Variants in UNC5C observed in about 807,000 individuals in gnomAD.
The protein encoded by UNC5C is netrin receptor UNC5C.
A neutral mutation model predicts 99.8 loss-of-function variants in UNC5C; 47 were observed. The ratio of observed to expected loss-of-function variants is 0.47; its 90% CI spans 0.37 to 0.60. The LOEUF is 0.60. UNC5C is among the 20% of genes least tolerant of loss of function. The pLI is 0.00. For missense variants in UNC5C, 1,062 were observed against 1,165.9 expected (o/e 0.91, Z 1.30); for synonymous variants, 487 against 452.2 (o/e 1.08, Z -0.98).
chr4:95,480,235 A>C (rs1194953898), intron 1 of UNC5C, among the ~76,000 whole-genome samples: 1 of 148,854 alleles, frequency 6.7e-6, no homozygotes, highest in East Asian at 1.9e-4. Flanking sequence ...ATATACATTC[A>C]TAATGTATAT....
intron 2 of UNC5C, among the ~76,000 whole-genome samples, chr4:95,304,185 A>T (rs900195118): frequency 6.6e-6 from 1 of 152,202 alleles, no homozygotes; most frequent in African/African-American, 2.4e-5. Context: ...GCGTGACAGG[A>T]TCCTAAGGGG....
chr4:95,504,350 ATTTC>A (rs1007833660), intron 1 of UNC5C, among the ~76,000 whole-genome samples: 1 of 152,122 alleles, frequency 6.6e-6, no homozygotes, highest in African/African-American at 2.4e-5. Flanking sequence ...CACTTTTAGC[ATTTC>A]TTTAACTTTC....
intron 7 of UNC5C, 62 bp from the exon 8 acceptor site, chr4:95,220,238 G>C (rs1738422389): frequency 1.4e-6 from 2 of 1,385,370 alleles, no homozygotes; most frequent in South Asian, 3.2e-5. Flanking sequence ...GTACACATAT[G>C]TATTGCTATA....
intron 7 of UNC5C, among the ~76,000 whole-genome samples, chr4:95,229,797 C>CTTTTTTTTTTT (rs71583694): frequency 6.3e-5 from 5 of 79,534 alleles, no homozygotes; most frequent in African/African-American, 1.3e-4. Flanking sequence ...CTGTTGTTTC[C>CTTTTTTTTTTT]TTTTTTTTTT....
At position 95,243,750 on chromosome 4, in the gene UNC5C, A is replaced by G. The variant is rs115979087; in HGVS notation, c.944-1157T>C. ...AAAAGCATTAATATTTCAGTCATAC[A>G]GAACTGGCTGTATAAGCAAGTCCCA... On this transcript the variant is annotated intron_variant, in intron 6 of 15. Coordinates refer to ENST00000453304, the MANE Select transcript of UNC5C (RefSeq NM_003728.4). Among the ~76,000 whole-genome samples, 1,332 of 152,314 alleles carry G rather than the reference A, an allele frequency of 8.7e-3. 18 individuals carry two copies. Among genetic ancestry groups the G allele is most frequent in the Middle Eastern group, 0.031 (9 of 294 alleles).
intron 7 of UNC5C, among the ~76,000 whole-genome samples, chr4:95,235,172 T>A (rs1319055756): frequency 6.6e-6 from 1 of 152,174 alleles, no homozygotes; most frequent in Non-Finnish European, 1.5e-5. Context: ...GTGACCAAAG[T>A]CAGTGACATT....
intron 1 of UNC5C, among the ~76,000 whole-genome samples, chr4:95,408,097 T>C (rs1295507407): frequency 6.6e-6 from 1 of 152,202 alleles, no homozygotes; most frequent in Non-Finnish European, 1.5e-5. Context: ...AATTCCATTA[T>C]GTTGTTAATG....
chr4:95,488,479 AG>A (rs1173157912), intron 1 of UNC5C, among the ~76,000 whole-genome samples: 2 of 151,828 alleles, frequency 1.3e-5, no homozygotes, highest in Admixed American at 6.6e-5. Context: ...GTACTTCCAT[AG>A]CTTCTGAGAA....
intron 1 of UNC5C, among the ~76,000 whole-genome samples, chr4:95,395,418 T>A (rs529841121): frequency 6.6e-6 from 1 of 152,292 alleles, no homozygotes; most frequent in South Asian, 2.1e-4. Flanking sequence ...TTTTAAAAAA[T>A]TAGAACAAAG....
rs577111656 is a variant in UNC5C at position 95,162,718 on chromosome 4, A to G, written c.*6516T>C. ...GGCGCCGGACAGATATCCGGAGGGC[A>G]CTCTGCCTCTGCCGGGGGGTTTTTT... On this transcript the variant is annotated 3_prime_UTR_variant, in exon 16 of 16. Transcript: ENST00000453304. The G allele has an allele frequency of 6.7e-4, 102 of 152,146 alleles. 1 individual carries two copies. Among genetic ancestry groups the G allele is most frequent in the African/African-American group, 2.3e-3 (94 of 41,504 alleles). 9.4% of individuals were successfully genotyped at this position (152,146 alleles called of 1,614,324 possible).
At chr4:95,413,984 A>G (rs1182252339) in intron 1 of UNC5C, among the ~76,000 whole-genome samples, 29 of 152,222 alleles carry the variant, frequency 1.9e-4, no homozygotes, top group Admixed American at 1.9e-3. Flanking sequence ...CCAAATGCAG[A>G]GCCAAATATG....
At chr4:95,305,005 T>C (rs1393935170) in intron 2 of UNC5C, among the ~76,000 whole-genome samples, 3 of 152,172 alleles carry the variant, frequency 2.0e-5, no homozygotes, top group Non-Finnish European at 1.5e-5. Context: ...AGACCAACCC[T>C]CCTGCTACAG....
intron 1 of UNC5C, among the ~76,000 whole-genome samples, chr4:95,454,118 C>A (rs972178254): frequency 1.3e-5 from 2 of 151,986 alleles, no homozygotes; most frequent in African/African-American, 4.8e-5. Flanking sequence ...CACAAAAAAA[C>A]CACTCAATTT....
Position 95,402,288 on chromosome 4 carries a change from T to A in UNC5C, c.125-66657A>T, listed in dbSNP as rs543512316. On this transcript the variant is annotated intron_variant, in intron 1 of 15. Coordinates refer to ENST00000453304, the MANE Select transcript of UNC5C (RefSeq NM_003728.4). ...ATTTATCATATTCATCAGATGTACA[T>A]TTTCAGATTTCTCTCTTCTGCCTAG... Among the ~76,000 whole-genome samples the A allele has an allele frequency of 5.9e-5, 9 of 152,352 alleles. No individual in the cohort carries two copies. In the South Asian group the frequency reaches 1.4e-3, roughly 25 times the overall value.
Position 95,242,434 on chromosome 4 carries a change from A to C in UNC5C, c.1103T>G (p.Met368Arg). 6.2e-7 allele frequency: 1 copy of C among 1,614,120 alleles called. No homozygotes were observed. Among genetic ancestry groups the C allele is most frequent in the East Asian group, 2.2e-5 (1 of 44,872 alleles). The change falls in exon 7 of 16, where the codon ATG (methionine) becomes AGG (arginine). Residue 368 changes from methionine to arginine, a missense_variant. Physicochemically the swap from Met to Arg is moderately conservative, Grantham distance 91. Coordinates refer to ENST00000453304, the MANE Select transcript of UNC5C (RefSeq NM_003728.4). ...GTTTGCTTAAATTGACTTACTCTGC[A>C]TGCAAAGCCCATCAGTGCAGTTCTT... ...QSKNCTDGLC[M>R]QTAPDSDDVA...
chr4:95,321,147 A>T (rs1034740676), intron 2 of UNC5C, among the ~76,000 whole-genome samples: 6 of 152,214 alleles, frequency 3.9e-5, no homozygotes, highest in African/African-American at 1.4e-4. Flanking sequence ...AATCTTCCCC[A>T]TGGGATATAA....
intron 1 of UNC5C, among the ~76,000 whole-genome samples, chr4:95,367,705 ATTAAC>A (rs890955857): frequency 2.0e-5 from 3 of 152,160 alleles, no homozygotes; most frequent in African/African-American, 7.2e-5. Flanking sequence ...TCCTAATAAT[ATTAAC>A]TTATCTTTCT....
At chr4:95,295,387 C>A (rs974449715) in intron 3 of UNC5C, among the ~76,000 whole-genome samples, 1 of 152,192 alleles carries the variant, frequency 6.6e-6, no homozygotes, top group African/African-American at 2.4e-5. Context: ...GATTTTAAAG[C>A]AGATGTGTTA....
chr4:95,374,490 C>T lies in UNC5C; in HGVS notation c.125-38859G>A, dbSNP rs113855142. 6.9e-3 allele frequency among the ~76,000 whole-genome samples: 1,053 copies of T among 152,180 alleles called. 10 individuals carry two copies. The highest frequency in any genetic ancestry group is 0.024 in the African/African-American group (1,004 of 41,514). ...TCTGTCCACACCCCTTACAAGCAGT[C>T]GCTCCTTGGCCTCCCCTCAGAATCA... On this transcript the variant is annotated intron_variant, in intron 1 of 15. Transcript: ENST00000453304.
Sources: gnomAD v4.1 joint callset for allele counts (sites outside exome capture counted in the v4.1 genomes callset) on GRCh38, gnomAD v4.1.1 for gene constraint, MANE v1.5 for transcripts, NCBI Gene and HGNC (gene_info 2026-07-23, HGNC 2026-07-21) for gene names.